The following WIZ variants were observed in gnomAD, a reference collection of about 807,000 sequenced individuals.
The protein encoded by WIZ is WIZ zinc finger.
WIZ carries 25 observed loss-of-function variants against 140.2 expected under a neutral mutation model. The observed-to-expected ratio is 0.18, with a 90% CI of 0.13 to 0.25. The LOEUF is 0.25. Ranked by LOEUF, WIZ falls within the 10% of genes least tolerant of loss-of-function variation. The pLI, the probability that WIZ is intolerant of heterozygous loss-of-function variation, is 1.00. For missense variants in WIZ, 2,231 were observed against 2,632.6 expected (o/e 0.85, Z 3.34); for synonymous variants, 1,125 against 1,154.3 (o/e 0.97, Z 0.51).
In WIZ at chr19:15,424,168, C is replaced by A. The variant is rs757767550; in HGVS notation, c.5510+15G>T. The A allele has an allele frequency of 6.7e-7, 1 of 1,495,880 alleles. No individual in the cohort carries two copies. The highest frequency in any genetic ancestry group is 2.4e-5 in the Admixed American group (1 of 41,424). The allele number at this position is 1,495,880 out of a possible 1,614,324, so 92.7% of individuals were successfully genotyped here. A position where few individuals can be genotyped will look rare whatever the true frequency, so the allele number is the denominator to read the frequency against. On this transcript the variant is annotated intron_variant, in intron 12 of 12. Transcript: ENST00000673675. This position sits in a 1 kb window ranked among gnomAD's most constrained non-coding sequence, Gnocchi z 9.7. ...CACTCAGGTGGTCTCCCTCCCTCCC[C>A]CAGGGGCAGCCTACCTGCATTTGAG...
Position 15,445,359 on chromosome 19 carries a change from C to T in WIZ, c.206-2611G>A, listed in dbSNP as rs535831303. On this transcript the variant is annotated intron_variant, in intron 2 of 12. Transcript: ENST00000673675. Reference sequence around the variant, plus strand: ...TCCCACTCCGAGCCTTGGTTTCTTCCGCTGTGCAATGGGAACAGCCACCGA... The same window carrying T: ...TCCCACTCCGAGCCTTGGTTTCTTCTGCTGTGCAATGGGAACAGCCACCGA... Among the ~76,000 whole-genome samples, 45 of 152,336 alleles carry T rather than the reference C, an allele frequency of 3.0e-4. 1 individual carries two copies. The highest frequency in any genetic ancestry group is 3.4e-3 in the Middle Eastern group (1 of 294).
chr19:15,440,463 A>G lies in WIZ; in HGVS notation c.531T>C (p.His177=). 1 of 1,536,054 alleles carries G rather than the reference A, an allele frequency of 6.5e-7. No individual in the cohort carries two copies. Among genetic ancestry groups the G allele is most frequent in the East Asian group, 2.4e-5 (1 of 40,908 alleles). The change falls in exon 4 of 13, where the codon CAT becomes CAC. Residue 177 remains histidine, a synonymous_variant. Transcript: ENST00000673675. This position sits in a 1 kb window ranked among gnomAD's most constrained non-coding sequence, Gnocchi z 6.2. ...HRGEPRLLEK[H]AQGRPRFDWL... is the part of the protein sequence containing the mutation. ...AGTCGAACCTGGGGCGGCCCTGGGCATGTTTCTCCAAAAGCCTTGGTTCCC... is the reference window on the plus strand; with the variant it reads ...AGTCGAACCTGGGGCGGCCCTGGGCGTGTTTCTCCAAAAGCCTTGGTTCCC...
Position 15,424,800 on chromosome 19 carries a change from A to G in WIZ, c.5127T>C (p.His1709=), listed in dbSNP as rs375154180. 556 of 1,599,464 alleles carry G rather than the reference A, an allele frequency of 3.5e-4. 4 individuals are homozygous for G. Among genetic ancestry groups the G allele is most frequent in the Admixed American group, 1.7e-4 (10 of 58,806 alleles). ...ACGGCCGCTTGTCACTGTCACGGCC[A>G]TGGCCGGCACTGCGGAACTTCTTGG... is the stretch of plus-strand genomic sequence containing the variant. ...PFTKKFRSAG[H]GRDSDKRPSL... is the part of the protein sequence containing the mutation. The change falls in exon 11 of 13, where the codon CAT becomes CAC. Residue 1709 remains histidine (H), a synonymous_variant. Transcript: ENST00000673675. This position sits in a 1 kb window ranked among gnomAD's most constrained non-coding sequence, Gnocchi z 9.7.
chr19:15,434,182 C>T lies in WIZ; in HGVS notation c.2740+2624G>A, dbSNP rs575066206. Among the ~76,000 whole-genome samples, 37 of 150,810 alleles carry T rather than the reference C, an allele frequency of 2.5e-4. 1 individual carries two copies. The South Asian group carries it at 2.8e-3, about 11-fold the overall frequency. The stretch of plus-strand genomic sequence containing the variant: ...CTGAGGCAGGAGAATTGCTTTAACC[C>T]GGGAGGCGGAGGTTGCAGTGAGCCA... On this transcript the variant is annotated intron_variant, in intron 5 of 12. Coordinates refer to ENST00000673675, the MANE Select transcript of WIZ (RefSeq NM_001371589.1).
intron 2 of WIZ, among the ~76,000 whole-genome samples, chr19:15,447,345 C>T (rs574124167): frequency 1.2e-4 from 19 of 152,358 alleles, no homozygotes; most frequent in Admixed American, 9.8e-4. Flanking sequence ...GCCACTCTAT[C>T]AGGGAGGGTC....
At chr19:15,448,004 T>A in intron 2 of WIZ, 99 bp downstream of exon 2, 1 of 1,384,318 alleles carries the variant, frequency 7.2e-7, no homozygotes, top group East Asian at 2.3e-5. Flanking sequence ...GGAATCAGCA[T>A]CCCAGCTCAG....
In WIZ at chr19:15,427,881, A is replaced by C; in HGVS notation, c.3814+229T>G. On this transcript the variant is annotated intron_variant, in intron 8 of 12. Transcript: ENST00000673675. This position sits in a 1 kb window ranked among gnomAD's most constrained non-coding sequence, Gnocchi z 6.4. ...AGATGTGGGTGCTCTGCACACTAAA[A>C]GGCAGGATCTCCCCACCTTGGCCTT... is the stretch of plus-strand genomic sequence containing the variant. 6.6e-6 allele frequency among the ~76,000 whole-genome samples: 1 copy of C among 152,138 alleles called. No homozygotes were observed. The highest frequency in any genetic ancestry group is 1.5e-5 in the Non-Finnish European group (1 of 68,010).
chr19:15,428,007 C>T lies in WIZ; in HGVS notation c.3814+103G>A, dbSNP rs956765321. 2 of 1,452,168 alleles carry T rather than the reference C, an allele frequency of 1.4e-6. No homozygotes were observed. The highest frequency in any genetic ancestry group is 5.2e-5 in the Admixed American group (2 of 38,618). 90.0% of individuals were successfully genotyped at this position (1,452,168 alleles called of 1,614,324 possible). On this transcript the variant is annotated intron_variant, in intron 8 of 12. Coordinates refer to ENST00000673675, the MANE Select transcript of WIZ (RefSeq NM_001371589.1). This position sits in a 1 kb window ranked among gnomAD's most constrained non-coding sequence, Gnocchi z 6.4. ...GCAGAACCGGCCCACTGCCAAGGGCCCCTGTCTACTCCCTGCCCCAGCAGG... is the reference window on the plus strand; with the variant it reads ...GCAGAACCGGCCCACTGCCAAGGGCTCCTGTCTACTCCCTGCCCCAGCAGG...
intron 6 of WIZ, 147 bp downstream of exon 6, chr19:15,430,865 G>A: frequency 9.9e-7 from 1 of 1,010,514 alleles, no homozygotes; most frequent in Non-Finnish European, 1.4e-6. Flanking sequence ...AGAGAAGACA[G>A]CTGAGTGCCA....
Position 15,427,683 on chromosome 19 carries a change from C to T in WIZ, c.3815-150G>A, listed in dbSNP as rs989879177. 4.1e-5 allele frequency: 37 copies of T among 904,822 alleles called. No individual in the cohort carries two copies. Among genetic ancestry groups the T allele is most frequent in the East Asian group, 2.1e-4 (8 of 37,524 alleles). 56.0% of individuals were successfully genotyped at this position (904,822 alleles called of 1,614,324 possible). ...AGGTGCAGGTAAGGGAGTGGAGGAG[C>T]GGGGCTGGGGGCCAGATACCCGGCA... On this transcript the variant is annotated intron_variant, in intron 8 of 12. Transcript: ENST00000673675. This position sits in a 1 kb window ranked among gnomAD's most constrained non-coding sequence, Gnocchi z 6.4.
chr19:15,447,973 G>A, intron 2 of WIZ, 130 bp downstream of exon 2: 1 of 1,086,398 alleles, frequency 9.2e-7, no homozygotes, highest in Admixed American at 2.3e-5. Flanking sequence ...AGAGTACAAA[G>A]AAAAGGCTCT....
chr19:15,435,247 A>G (rs558902632), intron 5 of WIZ, among the ~76,000 whole-genome samples: 1 of 152,038 alleles, frequency 6.6e-6, no homozygotes, highest in Non-Finnish European at 1.5e-5. Flanking sequence ...AAAAAACAGA[A>G]ACACAGCAAT....
In WIZ at chr19:15,438,667, C is replaced by A; in HGVS notation, c.2327G>T (p.Gly776Val). The A allele has an allele frequency of 6.5e-7, 1 of 1,536,096 alleles. No individual in the cohort carries two copies. Among genetic ancestry groups the A allele is most frequent in the Non-Finnish European group, 8.7e-7 (1 of 1,146,822 alleles). The change falls in exon 4 of 13, where the codon GGC becomes GTC. Residue 776 changes from glycine (G) to valine (V), a missense_variant. Gly to Val is a moderately radical substitution (Grantham distance 109). Coordinates refer to ENST00000673675, the MANE Select transcript of WIZ (RefSeq NM_001371589.1). ...NHVRGHLNRV[G>V]VSYNVRHFIS... ...GAAATGGCGCACATTGTAGCTGACGCCCACGCGGTTCAGGTGGCCCCGGAC... is the reference window on the plus strand; with the variant it reads ...GAAATGGCGCACATTGTAGCTGACGACCACGCGGTTCAGGTGGCCCCGGAC...
chr19:15,425,067 C>T, intron 10 of WIZ, 35 bp from the exon 11 acceptor site: 3 of 1,524,950 alleles, frequency 2.0e-6, no homozygotes, highest in Non-Finnish European at 2.6e-6. Flanking sequence ...GAGTCACAGC[C>T]CAAAGGGGGC....
chr19:15,440,658 C>T lies in WIZ; in HGVS notation c.336G>A (p.Leu112=), dbSNP rs1969708734. The change falls in exon 4 of 13, where the codon CTG becomes CTA. Residue 112 remains leucine, a synonymous_variant. Coordinates refer to ENST00000673675, the MANE Select transcript of WIZ (RefSeq NM_001371589.1). The surrounding 1 kb of genome is among the most constrained non-coding windows in gnomAD (Gnocchi z 6.2). ...FRPGSPPPHL[L]GHFPGTPDGR... is the part of the protein sequence containing the mutation. The stretch of plus-strand genomic sequence containing the variant: ...CATCAGGGGTACCTGGGAAATGGCC[C>T]AGGAGATGGGGTGGTGGGGAGCCCG... 6.6e-7 allele frequency: 1 copy of T among 1,526,520 alleles called. No individual in the cohort carries two copies. Among genetic ancestry groups the T allele is most frequent in the Non-Finnish European group, 8.8e-7 (1 of 1,139,816 alleles). The allele number at this position is 1,526,520 out of a possible 1,614,324, so 94.6% of individuals were successfully genotyped here.
At position 15,424,766 on chromosome 19, in the gene WIZ, G is replaced by T; in HGVS notation, c.5161C>A (p.Leu1721Met). 1 of 1,579,598 alleles carries T rather than the reference G, an allele frequency of 6.3e-7. No individual in the cohort carries two copies. Reference protein sequence around the residue: ...RDSDKRPSLGLAPGGLAVVGR... With the variant: ...RDSDKRPSLGMAPGGLAVVGR... ...ACCACGGCCAGGCCCCCGGGTGCCA[G>T]CCCCAGGGACGGCCGCTTGTCACTG... The change falls in exon 11 of 13, where the codon CTG becomes ATG. Residue 1721 changes from leucine to methionine, a missense_variant. By Grantham distance (15) the Leu-to-Met change is conservative (BLOSUM62 2). Transcript: ENST00000673675. This position sits in a 1 kb window ranked among gnomAD's most constrained non-coding sequence, Gnocchi z 9.7.
intron 4 of WIZ, among the ~76,000 whole-genome samples, 190 bp downstream of exon 4, chr19:15,438,388 G>T (rs1190292515): frequency 6.6e-6 from 1 of 152,204 alleles, no homozygotes; most frequent in Non-Finnish European, 1.5e-5. Context: ...TCCTCCAGTG[G>T]CTGGAATGGC....
Position 15,429,740 on chromosome 19 carries a change from G to C in WIZ, c.3261C>G (p.Ser1087Arg), listed in dbSNP as rs1211225326. Residue 1087 changes from serine (S) to arginine (R), a missense_variant, in exon 7 of 13, where the codon AGC becomes AGG. Physicochemically the swap from Ser to Arg is moderately radical, Grantham distance 110. Coordinates refer to ENST00000673675, the MANE Select transcript of WIZ (RefSeq NM_001371589.1). ...FSAKGLGHPP[S>R]SPLLKKTPLA... ...GTGGTGTCTTTTTGAGGAGTGGAGA[G>C]CTGGGCGGGTGGCCCAGGCCCTTGG... The C allele has an allele frequency of 1.4e-5, 21 of 1,479,354 alleles. No individual in the cohort carries two copies. The highest frequency in any genetic ancestry group is 1.8e-5 in the Non-Finnish European group (20 of 1,118,056). The allele number at this position is 1,479,354 out of a possible 1,614,324, so 91.6% of individuals were successfully genotyped here. A position where few individuals can be genotyped will look rare whatever the true frequency, so the allele number is the denominator to read the frequency against.
Position 15,429,930 on chromosome 19 carries a change from C to T in WIZ, c.3071G>A (p.Gly1024Asp). Reference sequence around the variant, plus strand: ...CAGCCCAAGGTGGGCGTCAGGCAGACCCTTCTGCTTCACAAGCTCGTAGAG... The same window carrying T: ...CAGCCCAAGGTGGGCGTCAGGCAGATCCTTCTGCTTCACAAGCTCGTAGAG... ...DLLYELVKQK[G>D]LPDAHLGLPP... Residue 1024 changes from glycine to aspartate, a missense_variant, in exon 7 of 13, where the codon GGT becomes GAT. Transcript: ENST00000673675. 1 of 1,536,014 alleles carries T rather than the reference C, an allele frequency of 6.5e-7. No homozygotes were observed. The highest frequency in any genetic ancestry group is 1.4e-5 in the African/African-American group (1 of 73,162).
Sources: gnomAD v4.1 joint callset for allele counts (sites outside exome capture counted in the v4.1 genomes callset) on GRCh38, gnomAD v4.1.1 for gene constraint, Gnocchi (gnomAD v3.1) non-coding constraint, MANE v1.5 for transcripts, NCBI Gene and HGNC (gene_info 2026-07-23, HGNC 2026-07-21) for gene names.